The following MLLT3 variants were observed in gnomAD, a reference collection of about 807,000 sequenced individuals.
MLLT3 encodes MLLT3 super elongation complex subunit.
MLLT3 carries 4 observed loss-of-function variants against 53.2 expected under a neutral mutation model. That is an observed-to-expected ratio of 0.08 (90% CI 0.04 to 0.17). MLLT3 has a LOEUF of 0.17. Among genes scored for constraint, MLLT3 ranks in the 10% least tolerant of loss-of-function variants. The pLI is 1.00. For missense variants in MLLT3, 569 were observed against 684.0 expected (o/e 0.83, Z 1.87); for synonymous variants, 283 against 230.6 (o/e 1.23, Z -2.06).
chr9:20,563,555 C>A (rs536354388), intron 2 of MLLT3, among the ~76,000 whole-genome samples: 1 of 152,224 alleles, frequency 6.6e-6, no homozygotes, highest in Non-Finnish European at 1.5e-5. Context: ...ACATCTGGAA[C>A]AAGCAGCATC....
intron 2 of MLLT3, among the ~76,000 whole-genome samples, chr9:20,604,681 T>C (rs1820519317): frequency 6.6e-6 from 1 of 152,100 alleles, no homozygotes; most frequent in African/African-American, 2.4e-5. Flanking sequence ...TGGCAAAACC[T>C]ACAGCAGCTG....
At chr9:20,371,604 T>C (rs1821603588) in intron 5 of MLLT3, among the ~76,000 whole-genome samples, 1 of 152,238 alleles carries the variant, frequency 6.6e-6, no homozygotes, top group African/African-American at 2.4e-5. Flanking sequence ...ACTGAATAGT[T>C]TGAGCCCACT....
At chr9:20,505,830 A>G (rs760893138) in intron 2 of MLLT3, among the ~76,000 whole-genome samples, 7 of 152,166 alleles carry the variant, frequency 4.6e-5, no homozygotes, top group Non-Finnish European at 1.0e-4. Context: ...TAACATTAGA[A>G]TATATCCAAG....
At chr9:20,408,662 C>G (rs1324408260) in intron 5 of MLLT3, among the ~76,000 whole-genome samples, 1 of 152,138 alleles carries the variant, frequency 6.6e-6, no homozygotes, top group African/African-American at 2.4e-5. Flanking sequence ...CTTTACAGCT[C>G]TTGCATGTGC....
intron 5 of MLLT3, among the ~76,000 whole-genome samples, chr9:20,378,356 G>C (rs1361542383): frequency 6.6e-6 from 1 of 151,940 alleles, no homozygotes; most frequent in Non-Finnish European, 1.5e-5. Flanking sequence ...AGTGATACAT[G>C]CTAAATAAAC....
chr9:20,435,391 A>G (rs904861024), intron 4 of MLLT3, among the ~76,000 whole-genome samples: 1 of 152,110 alleles, frequency 6.6e-6, no homozygotes, highest in Admixed American at 6.6e-5. Flanking sequence ...CAATCCTATT[A>G]AAAGATGAGA....
chr9:20,565,978 ATATATTTATT>A (rs1464057321), intron 2 of MLLT3, among the ~76,000 whole-genome samples: 1 of 114,872 alleles, frequency 8.7e-6, no homozygotes, highest in African/African-American at 3.6e-5. Flanking sequence ...TTATATATAT[ATATATTTATT>A]TATATATTTA....
chr9:20,436,972 A>C (rs1823422167), intron 4 of MLLT3, among the ~76,000 whole-genome samples: 1 of 152,158 alleles, frequency 6.6e-6, no homozygotes, highest in Non-Finnish European at 1.5e-5. Context: ...TGGTACCAAC[A>C]CCTCATTTTA....
intron 2 of MLLT3, among the ~76,000 whole-genome samples, chr9:20,609,081 CT>C (rs1432505783): frequency 2.0e-5 from 3 of 152,000 alleles, no homozygotes; most frequent in African/African-American, 4.8e-5. Context: ...ATTGTTTAGC[CT>C]TTACAATGTA....
At chr9:20,399,148 G>C (rs950327364) in intron 5 of MLLT3, among the ~76,000 whole-genome samples, 2 of 152,106 alleles carry the variant, frequency 1.3e-5, no homozygotes, top group Admixed American at 6.6e-5. Context: ...GCCAAGACTT[G>C]TCTTATTTGT....
intron 2 of MLLT3, among the ~76,000 whole-genome samples, chr9:20,504,023 A>C (rs975637282): frequency 4.6e-5 from 7 of 152,182 alleles, no homozygotes; most frequent in African/African-American, 1.7e-4. Context: ...CACGTGCTAG[A>C]ATGGCTATTA....
intron 2 of MLLT3, among the ~76,000 whole-genome samples, chr9:20,486,156 A>G (rs766403616): frequency 8.5e-5 from 13 of 152,188 alleles, no homozygotes; most frequent in African/African-American, 1.4e-4. Flanking sequence ...GCACTATTCT[A>G]TACTTTCCCA....
At chr9:20,614,705 A>C (rs1254935918) in intron 2 of MLLT3, among the ~76,000 whole-genome samples, 1 of 152,192 alleles carries the variant, frequency 6.6e-6, no homozygotes, top group East Asian at 1.9e-4. Context: ...CTACACCACA[A>C]AATTGTGCCA....
intron 2 of MLLT3, among the ~76,000 whole-genome samples, chr9:20,526,209 C>T (rs1016405805): frequency 6.6e-6 from 1 of 152,120 alleles, no homozygotes; most frequent in African/African-American, 2.4e-5. Context: ...GACTAGTGTA[C>T]ATACATACAG....
chr9:20,472,231 A>T (rs1824413291), intron 2 of MLLT3, among the ~76,000 whole-genome samples: 1 of 152,084 alleles, frequency 6.6e-6, no homozygotes, highest in Non-Finnish European at 1.5e-5. Flanking sequence ...AACAGAAACT[A>T]TATTAATAAA....
At chr9:20,443,966 C>G (rs1823623609) in intron 4 of MLLT3, among the ~76,000 whole-genome samples, 1 of 152,152 alleles carries the variant, frequency 6.6e-6, no homozygotes, top group Non-Finnish European at 1.5e-5. Context: ...ACACTTCTTT[C>G]CAACCAGAAA....
At chr9:20,586,759 G>T (rs1481834520) in intron 2 of MLLT3, among the ~76,000 whole-genome samples, 3 of 152,128 alleles carry the variant, frequency 2.0e-5, no homozygotes, top group Admixed American at 6.6e-5. Context: ...AGACTCACTG[G>T]TTAGGGAAGT....
intron 4 of MLLT3, chr9:20,418,369 C>T (rs1455549150): frequency 1.3e-5 from 2 of 152,220 alleles, no homozygotes; most frequent in African/African-American, 4.8e-5. Flanking sequence ...ATGCGAGGCA[C>T]AATTACTGCT....
intron 8 of MLLT3, among the ~76,000 whole-genome samples, chr9:20,358,147 G>A (rs764220573): frequency 6.6e-6 from 1 of 152,006 alleles, no homozygotes; most frequent in East Asian, 1.9e-4. Context: ...AGTCCCAGAA[G>A]CTTGACTTAA....
Sources: allele counts gnomAD v4.1 joint callset (sites outside exome capture counted in the v4.1 genomes callset), GRCh38; gene constraint gnomAD v4.1.1; transcripts MANE v1.5; gene names NCBI Gene and HGNC (gene_info 2026-07-23, HGNC 2026-07-21).